The following MYH14 variants were observed in gnomAD, a reference collection of about 807,000 sequenced individuals.
The protein encoded by MYH14 is myosin-14.
A neutral mutation model predicts 255.5 loss-of-function variants in MYH14; 123 were observed. The observed-to-expected ratio is 0.48, with a 90% CI of 0.42 to 0.56. The LOEUF (loss-of-function observed/expected upper bound fraction) is 0.56. Ranked by LOEUF, MYH14 falls within the 20% of genes least tolerant of loss-of-function variation. The pLI, the probability that MYH14 is intolerant of heterozygous loss-of-function variation, is 0.00. For synonymous variants in MYH14, 1,095 were observed against 1,161.2 expected (o/e 0.94, Z 1.16); for missense variants, 2,423 against 2,802.3 (o/e 0.86, Z 3.06).
At chr19:50,249,482 C>A (rs1016419244) in intron 13 of MYH14, 168 bp from the exon 14 acceptor site, 1 of 767,040 alleles carries the variant, frequency 1.3e-6, no homozygotes, top group Non-Finnish European at 2.1e-6. Context: ...GGCTCTGTCC[C>A]CTGTCTCTGG....
chr19:50,232,606 A>G (rs914389342), intron 10 of MYH14, among the ~76,000 whole-genome samples: 1 of 151,216 alleles, frequency 6.6e-6, no homozygotes, highest in Admixed American at 6.6e-5. Context: ...AAAAAAAAAA[A>G]AAAAAAAAAA....
chr19:50,296,769 C>T (rs912572578), intron 39 of MYH14, among the ~76,000 whole-genome samples: 2 of 152,238 alleles, frequency 1.3e-5, no homozygotes, highest in African/African-American at 2.4e-5. Context: ...TAGAAGTCAA[C>T]GTGAAGAGCC....
intron 36 of MYH14, among the ~76,000 whole-genome samples, chr19:50,291,551 G>C (rs1301794049): frequency 6.6e-6 from 1 of 152,250 alleles, no homozygotes; most frequent in Non-Finnish European, 1.5e-5. Context: ...CCATGGTTTT[G>C]TTTTTGAAGT....
intron 39 of MYH14, among the ~76,000 whole-genome samples, chr19:50,297,597 A>G (rs1468731785): frequency 7.1e-6 from 1 of 141,374 alleles, no homozygotes; most frequent in East Asian, 2.4e-4. Flanking sequence ...TCCCGGGTTC[A>G]AGCGATTCTC....
At chr19:50,268,413 G>C in intron 24 of MYH14, 46 bp downstream of exon 24, 1 of 1,524,208 alleles carries the variant, frequency 6.6e-7, no homozygotes, top group Non-Finnish European at 8.9e-7. Flanking sequence ...AGACCCCTCT[G>C]TCTACACCAT....
At chr19:50,260,427 AAAAC>A (rs1268825503) in intron 19 of MYH14, among the ~76,000 whole-genome samples, 1 of 152,200 alleles carries the variant, frequency 6.6e-6, no homozygotes, top group South Asian at 2.1e-4. Flanking sequence ...TCTGTCTCAA[AAAAC>A]AAACAAAACA....
intron 10 of MYH14, among the ~76,000 whole-genome samples, chr19:50,237,655 C>G (rs1248406550): frequency 2.0e-5 from 3 of 152,162 alleles, no homozygotes; most frequent in Non-Finnish European, 4.4e-5. Flanking sequence ...TGCAGAGAAT[C>G]TACCTCGTCG....
At chr19:50,281,891 G>A (rs764964929) in intron 33 of MYH14, 49 bp downstream of exon 33, 11 of 1,580,084 alleles carry the variant, frequency 7.0e-6, no homozygotes, top group South Asian at 2.3e-5. Flanking sequence ...GTCCATCTAC[G>A]CTTCCCATGG....
At chr19:50,214,137 A>G (rs1185755427) in intron 2 of MYH14, among the ~76,000 whole-genome samples, 1 of 152,154 alleles carries the variant, frequency 6.6e-6, no homozygotes, top group Non-Finnish European at 1.5e-5. Flanking sequence ...TGGGGTTCAC[A>G]TTAAACCCTC....
chr19:50,296,988 G>A (rs1462453413), intron 39 of MYH14, among the ~76,000 whole-genome samples: 1 of 151,542 alleles, frequency 6.6e-6, no homozygotes, highest in African/African-American at 2.4e-5. Flanking sequence ...GTTTTTTTTT[G>A]TTTGTTTGTT....
intron 10 of MYH14, among the ~76,000 whole-genome samples, chr19:50,236,193 C>T (rs1264872792): frequency 2.6e-5 from 4 of 151,562 alleles, no homozygotes; most frequent in Admixed American, 6.6e-5. Flanking sequence ...ATTACCTGGG[C>T]GTGGTGGTGT....
intron 39 of MYH14, among the ~76,000 whole-genome samples, chr19:50,299,655 A>G (rs1305820869): frequency 6.6e-6 from 1 of 151,700 alleles, no homozygotes; most frequent in Non-Finnish European, 1.5e-5. Flanking sequence ...CTTAAAAGAC[A>G]TATATCTGGC....
chr19:50,301,787 G>T lies in MYH14; in HGVS notation c.5596G>T (p.Ala1866Ser), dbSNP rs760637279. The change falls in exon 40 of 43, where the codon GCC becomes TCC. Residue 1866 changes from alanine (A) to serine (S), a missense_variant. Physicochemically the swap from Ala to Ser is moderately conservative, Grantham distance 99 (BLOSUM62 1). This residue lies in a region of MYH14 where 1,513 missense variants were observed against 1,674.8 expected (regional missense o/e 0.90). Transcript: ENST00000642316. ...RGRLGEEDAGARARHKMTIAA... is the reference protein window; with the variant it reads ...RGRLGEEDAGSRARHKMTIAA... ...ACGCCTGGGTGAGGAGGATGCTGGGGCCCGTGCCCGCCACAAGATGACCAT... is the reference window on the plus strand; with the variant it reads ...ACGCCTGGGTGAGGAGGATGCTGGGTCCCGTGCCCGCCACAAGATGACCAT... 2 of 1,612,438 alleles carry T rather than the reference G, an allele frequency of 1.2e-6. No individual in the cohort carries two copies. Among genetic ancestry groups the T allele is most frequent in the South Asian group, 2.2e-5 (2 of 91,048 alleles).
intron 21 of MYH14, among the ~76,000 whole-genome samples, chr19:50,262,158 G>C (rs77865299): frequency 0.019 from 2,848 of 152,270 alleles, 74 homozygotes; most frequent in African/African-American, 0.064. Context: ...AAATGGGAAA[G>C]GTGATCAGGG....
In MYH14 at chr19:50,309,772, A is replaced by AC; in HGVS notation, c.6095dup (p.Ala2033SerfsTer14). ...CATCCCCGGAGCCTGAGGGGTCCCCACCAGCCCACCCCCAGTGACCCTACC... is the reference window on the plus strand; with the variant it reads ...CATCCCCGGAGCCTGAGGGGTCCCCACCCAGCCCACCCCCAGTGACCCTACC... On this transcript the variant is annotated frameshift_variant, in exon 43 of 43. Coordinates refer to ENST00000642316, the MANE Select transcript of MYH14 (RefSeq NM_001145809.2). LOFTEE classifies it high-confidence loss of function. The AC allele has an allele frequency of 4.4e-6, 4 of 905,966 alleles. No homozygotes were observed. The highest frequency in any genetic ancestry group is 3.3e-6 in the Non-Finnish European group (2 of 607,788). The allele number at this position is 905,966 out of a possible 1,614,324, so 56.1% of individuals were successfully genotyped here.
intron 1 of MYH14, among the ~76,000 whole-genome samples, chr19:50,209,447 A>AGATT (rs2032023422): frequency 6.6e-6 from 1 of 152,122 alleles, no homozygotes; most frequent in African/African-American, 2.4e-5. Context: ...CAGGAGTTCA[A>AGATT]GACCTGCCTG....
chr19:50,212,039 A>T (rs1292207780), intron 2 of MYH14, among the ~76,000 whole-genome samples: 1 of 152,148 alleles, frequency 6.6e-6, no homozygotes, highest in Non-Finnish European at 1.5e-5. Flanking sequence ...GATGATACTT[A>T]GGTTGACTAT....
At chr19:50,207,257 AAGAGAGAGAGAGACAG>A (rs2031829313) in intron 1 of MYH14, among the ~76,000 whole-genome samples, 1 of 26,974 alleles carries the variant, frequency 3.7e-5, no homozygotes, top group African/African-American at 1.6e-4. Context: ...GAGAGAGAGA[AAGAGAGAGAGAGACAG>A]AGAGAGAGAG....
chr19:50,271,688 AG>A, intron 25 of MYH14, 142 bp downstream of exon 25: 2 of 1,447,338 alleles, frequency 1.4e-6, no homozygotes, highest in South Asian at 1.3e-5. Flanking sequence ...TATAGCCCCA[AG>A]GGAATGGGAA....
Sources: allele counts gnomAD v4.1 joint callset (sites outside exome capture counted in the v4.1 genomes callset), GRCh38; gene constraint gnomAD v4.1.1; regional missense constraint gnomAD v4.1.1; transcripts MANE v1.5; gene names NCBI Gene and HGNC (gene_info 2026-07-23, HGNC 2026-07-21).